Variants in JPH2 observed in about 807,000 individuals in gnomAD.
JPH2 encodes junctophilin 2.
JPH2 carries 38 observed loss-of-function variants against 55.9 expected under a neutral mutation model. That is an observed-to-expected ratio of 0.68 (90% CI 0.52 to 0.89). The LOEUF (loss-of-function observed/expected upper bound fraction) is 0.89. Among genes scored for constraint, JPH2 ranks in the 40% least tolerant of loss-of-function variants. The pLI, the probability that JPH2 is intolerant of heterozygous loss-of-function variation, is 0.00. For synonymous variants in JPH2, 480 were observed against 472.4 expected, an observed-to-expected ratio of 1.02 and a Z score of -0.21; for missense variants, 964 against 1,037.6, an observed-to-expected ratio of 0.93 and a Z score of 0.97.
intron 2 of JPH2, among the ~76,000 whole-genome samples, chr20:44,134,680 AAAT>A (rs1569195199): frequency 7.6e-5 from 1 of 13,210 alleles, no homozygotes; most frequent in Non-Finnish European, 1.2e-4. Context: ...ATATATTTAT[AAAT>A]ATTATAAATA....
chr20:44,181,357 G>C (rs940031869), intron 1 of JPH2, among the ~76,000 whole-genome samples: 1 of 152,218 alleles, frequency 6.6e-6, no homozygotes. Flanking sequence ...CACATTGTGT[G>C]TGTGCATATA....
At chr20:44,169,774 C>A (rs931674370) in intron 1 of JPH2, among the ~76,000 whole-genome samples, 1 of 152,072 alleles carries the variant, frequency 6.6e-6, no homozygotes, top group African/African-American at 2.4e-5. Flanking sequence ...AGAGGTGGGG[C>A]CTTTAAGAGG....
rs764474492 is a variant in JPH2 at position 44,186,480 on chromosome 20, T to C, written c.226A>G (p.Thr76Ala). ...QGKRHGLGIE[T>A]KGRWLYKGEW... ...CCCTTGTAGAGCCAGCGCCCCTTGGTCTCTATGCCCAGCCCATGCCGTTTG... is the reference window on the plus strand; with the variant it reads ...CCCTTGTAGAGCCAGCGCCCCTTGGCCTCTATGCCCAGCCCATGCCGTTTG... Residue 76 changes from threonine (T) to alanine (A), a missense_variant, in exon 1 of 6, where the codon ACC becomes GCC. Thr to Ala is a moderately conservative substitution (Grantham distance 58). Coordinates refer to ENST00000372980, the MANE Select transcript of JPH2 (RefSeq NM_020433.5). The C allele has an allele frequency of 1.7e-5, 28 of 1,613,820 alleles. No individual in the cohort carries two copies. The highest frequency in any genetic ancestry group is 2.2e-5 in the Non-Finnish European group (26 of 1,179,976).
intron 2 of JPH2, among the ~76,000 whole-genome samples, chr20:44,136,812 T>G (rs151214950): frequency 6.6e-6 from 1 of 152,218 alleles, no homozygotes; most frequent in African/African-American, 2.4e-5. Context: ...GGGTTACTAA[T>G]AGCACTTAGC....
chr20:44,160,306 TGCGCAGCGGCGA>T lies in JPH2; in HGVS notation c.469_480del (p.Ser157_Arg160del). 6.4e-7 allele frequency: 1 copy of T among 1,552,624 alleles called. No individual in the cohort carries two copies. Among genetic ancestry groups the T allele is most frequent in the Non-Finnish European group, 8.7e-7 (1 of 1,150,004 alleles). ...TCGCTGCGCAGGGACGACAGCGACG[TGCGCAGCGGCGA>T]GCGCACCACCACGGCCATCCCGTAG... On this transcript the variant is annotated inframe_deletion, in exon 2 of 6. Coordinates refer to ENST00000372980, the MANE Select transcript of JPH2 (RefSeq NM_020433.5). This position sits in a 1 kb window ranked among gnomAD's most constrained non-coding sequence, Gnocchi z 4.9.
chr20:44,107,672 T>C lies in JPH2; in HGVS notation c.*5846A>G, dbSNP rs2072116499. 6.6e-6 allele frequency among the ~76,000 whole-genome samples: 1 copy of C among 152,196 alleles called. No homozygotes were observed. ...TATGGTGTATAGCAATTATAAACTG[T>C]GGAGTCAATTACCTCAGCCAAGCTT... On this transcript the variant is annotated 3_prime_UTR_variant, in exon 6 of 6. Transcript: ENST00000372980.
At chr20:44,140,250 T>C (rs4239696) in intron 2 of JPH2, among the ~76,000 whole-genome samples, 105,095 of 152,040 alleles carry the variant, frequency 0.69, 36,655 homozygotes, top group East Asian at 0.8. Context: ...ACACCTGTCT[T>C]TATATCCATC....
At chr20:44,164,028 C>G (rs931046250) in intron 1 of JPH2, among the ~76,000 whole-genome samples, 2 of 152,218 alleles carry the variant, frequency 1.3e-5, no homozygotes, top group Non-Finnish European at 2.9e-5. Context: ...CAAATATGAC[C>G]TCTATTTCAT....
At chr20:44,165,068 C>A (rs1386816751) in intron 1 of JPH2, among the ~76,000 whole-genome samples, 1 of 152,072 alleles carries the variant, frequency 6.6e-6, no homozygotes, top group Non-Finnish European at 1.5e-5. Context: ...AAACTCCTGA[C>A]CTCAGGTGAT....
rs1160467147 is a variant in JPH2, at chr20:44,134,051, T to A, written c.1170-15428A>T. On this transcript the variant is annotated intron_variant, in intron 2 of 5. Coordinates refer to ENST00000372980, the MANE Select transcript of JPH2 (RefSeq NM_020433.5). Reference sequence around the variant, plus strand: ...ATAAATATATATTTATATATAAATATATATTTATTATAAATATATAAATAT... The same window carrying A: ...ATAAATATATATTTATATATAAATAAATATTTATTATAAATATATAAATAT... 8.4e-5 allele frequency among the ~76,000 whole-genome samples: 2 copies of A among 23,790 alleles called. 1 individual carries two copies. Among genetic ancestry groups the A allele is most frequent in the Non-Finnish European group, 1.3e-4 (2 of 15,078 alleles). The allele number at this position is 23,790 out of a possible 152,430, so 15.6% of individuals were successfully genotyped here.
Position 44,160,157 on chromosome 20 carries a change from C to A in JPH2, c.630G>T (p.Ala210=), listed in dbSNP as rs1171848433. ...CGCCGCCCTTGGGCGCCCGCGCGGC[C>A]GCCTCGGCATTGGCCAGGAGGCTGA... The part of the protein sequence containing the change: ...FALSLLANAE[A]AARAPKGGGL... Residue 210 remains alanine (A), a synonymous_variant, in exon 2 of 6, where the codon GCG becomes GCT. Transcript: ENST00000372980. The surrounding 1 kb of genome is among the most constrained non-coding windows in gnomAD (Gnocchi z 4.9). The A allele has an allele frequency of 2.2e-5, 32 of 1,425,266 alleles. No homozygotes were observed. Among genetic ancestry groups the A allele is most frequent in the Non-Finnish European group, 2.7e-5 (30 of 1,098,580 alleles). 88.3% of individuals were successfully genotyped at this position (1,425,266 alleles called of 1,614,324 possible).
chr20:44,110,213 AACACACACACATACAC>A lies in JPH2; in HGVS notation c.*3289_*3304del, dbSNP rs1343475090. Among the ~76,000 whole-genome samples the A allele has an allele frequency of 2.6e-5, 4 of 151,580 alleles. No individual in the cohort carries two copies. Among genetic ancestry groups the A allele is most frequent in the South Asian group, 4.2e-4 (2 of 4,800 alleles). ...AGCCACCCCTGCCCCCAACTCATCC[AACACACACACATACAC>A]ACACACACACAGACACACCCCATCT... On this transcript the variant is annotated 3_prime_UTR_variant, in exon 6 of 6. Transcript: ENST00000372980.
intron 5 of JPH2, among the ~76,000 whole-genome samples, chr20:44,113,955 C>T (rs1323523102): frequency 6.6e-6 from 1 of 152,152 alleles, no homozygotes; most frequent in African/African-American, 2.4e-5. Context: ...CATAGACTTT[C>T]CTGGGGCTGA....
chr20:44,142,097 A>G (rs2072460996), intron 2 of JPH2, among the ~76,000 whole-genome samples: 2 of 152,130 alleles, frequency 1.3e-5, no homozygotes, highest in Non-Finnish European at 2.9e-5. Flanking sequence ...TGCTTTAATC[A>G]TACCCACTTT....
Position 44,160,031 on chromosome 20 carries a change from G to A in JPH2, c.756C>T (p.Asp252=). ...CGGCGTCGCTGGCGCCCGAGCTGAG[G>A]TCGCTCTTAAGGAAGCTGACACGGC... The part of the protein sequence containing the change: ...QRSRVSFLKS[D]LSSGASDAAS... Residue 252 remains aspartate (D), a synonymous_variant, in exon 2 of 6, where the codon GAC becomes GAT. Coordinates refer to ENST00000372980, the MANE Select transcript of JPH2 (RefSeq NM_020433.5). This position sits in a 1 kb window ranked among gnomAD's most constrained non-coding sequence, Gnocchi z 4.9. 2 of 1,561,700 alleles carry A rather than the reference G, an allele frequency of 1.3e-6. No homozygotes were observed. Among genetic ancestry groups the A allele is most frequent in the Non-Finnish European group, 1.7e-6 (2 of 1,160,744 alleles).
chr20:44,171,909 G>A (rs1008186795), intron 1 of JPH2, among the ~76,000 whole-genome samples: 5 of 152,144 alleles, frequency 3.3e-5, no homozygotes, highest in South Asian at 4.2e-4. Flanking sequence ...GGTCTGACTC[G>A]CCCACCACAG....
At position 44,173,389 on chromosome 20, in the gene JPH2, A is replaced by G. The variant is rs2072711535; in HGVS notation, c.379+12938T>C. On this transcript the variant is annotated intron_variant, in intron 1 of 5. Coordinates refer to ENST00000372980, the MANE Select transcript of JPH2 (RefSeq NM_020433.5). The stretch of plus-strand genomic sequence containing the variant: ...CCCACCCCGAAACTGCCTCAGTATA[A>G]AAAAGCCAGCTTCGACTTCCTATAA... 2.0e-5 allele frequency among the ~76,000 whole-genome samples: 3 copies of G among 152,246 alleles called. No individual in the cohort carries two copies. The South Asian group carries it at 6.2e-4, about 32-fold the overall frequency.
In JPH2 at chr20:44,111,196, C is replaced by T. The variant is rs368747134; in HGVS notation, c.*2322G>A. ...AACTGGTATCTGAATCACCTCCATC[C>T]CTTTGGGGTCCCTGGGATCCTCTAC... On this transcript the variant is annotated 3_prime_UTR_variant, in exon 6 of 6. Coordinates refer to ENST00000372980, the MANE Select transcript of JPH2 (RefSeq NM_020433.5). Among the ~76,000 whole-genome samples, 8 of 152,298 alleles carry T rather than the reference C, an allele frequency of 5.3e-5. No individual in the cohort carries two copies. Among genetic ancestry groups the T allele is most frequent in the African/African-American group, 1.9e-4 (8 of 41,550 alleles).
At chr20:44,119,705 C>T (rs1311786476) in intron 2 of JPH2, among the ~76,000 whole-genome samples, 1 of 152,108 alleles carries the variant, frequency 6.6e-6, no homozygotes, top group Admixed American at 6.5e-5. Context: ...AACCCCATCT[C>T]TACTAAAAAA....
Sources: allele counts gnomAD v4.1 joint callset (sites outside exome capture counted in the v4.1 genomes callset), GRCh38; gene constraint gnomAD v4.1.1; non-coding constraint Gnocchi (gnomAD v3.1); transcripts MANE v1.5; gene names NCBI Gene and HGNC (gene_info 2026-07-23, HGNC 2026-07-21).